SLC1A2: variants seen among roughly 807,000 people sequenced by gnomAD.
The protein encoded by SLC1A2 is solute carrier family 1 member 2.
Under a neutral mutation model 48.8 loss-of-function variants are expected in SLC1A2, and 15 were observed. The observed-to-expected ratio is 0.31, with a 90% CI of 0.21 to 0.47. The LOEUF is 0.47. Ranked by LOEUF, SLC1A2 falls within the 20% of genes least tolerant of loss-of-function variation. SLC1A2 has a pLI of 0.99. For synonymous variants in SLC1A2, 279 were observed against 272.6 expected (o/e 1.02, Z -0.23); for missense variants, 502 against 730.5 (o/e 0.69, Z 3.61).
chr11:35,419,401 CG>C lies in SLC1A2; in HGVS notation c.-436del, dbSNP rs1356820563. 61 of 196,848 alleles carry C rather than the reference CG, an allele frequency of 3.1e-4. 1 individual carries two copies. Among genetic ancestry groups the C allele is most frequent in the Non-Finnish European group, 7.2e-5 (7 of 97,888 alleles). The allele number at this position is 196,848 out of a possible 1,614,324, so 12.2% of individuals were successfully genotyped here. On this transcript the variant is annotated 5_prime_UTR_variant, in exon 1 of 11. Transcript: ENST00000278379. This position sits in a 1 kb window ranked among gnomAD's most constrained non-coding sequence, Gnocchi z 5.4. ...GTGGTGGCAGAGGACGGTGAGCGTG[CG>C]TGCGCGTGTGCGGGTGTGTGCGCGC...
At chr11:35,384,311 G>A (rs1416102521) in intron 1 of SLC1A2, among the ~76,000 whole-genome samples, 1 of 152,140 alleles carries the variant, frequency 6.6e-6, no homozygotes, top group African/African-American at 2.4e-5. Context: ...TTAACTGAAA[G>A]TACAGATCCC....
chr11:35,361,908 T>A (rs1038597022), intron 1 of SLC1A2, among the ~76,000 whole-genome samples: 1 of 152,172 alleles, frequency 6.6e-6, no homozygotes, highest in Non-Finnish European at 1.5e-5. Flanking sequence ...CCTGGGAGGT[T>A]GAGGCTGCAG....
At chr11:35,277,289 A>G (rs1361242524) in intron 9 of SLC1A2, among the ~76,000 whole-genome samples, 3 of 152,188 alleles carry the variant, frequency 2.0e-5, no homozygotes, top group South Asian at 2.1e-4. Flanking sequence ...AACACTTAGT[A>G]CAAATTAGGA....
In SLC1A2 at chr11:35,254,820, C is replaced by A. The variant is rs551207005; in HGVS notation, c.*6074G>T. 1 of 455,648 alleles carries A rather than the reference C, an allele frequency of 2.2e-6. No individual in the cohort carries two copies. The allele number at this position is 455,648 out of a possible 1,614,324, so 28.2% of individuals were successfully genotyped here. A position where few individuals can be genotyped will look rare whatever the true frequency, so the allele number is the denominator to read the frequency against. On this transcript the variant is annotated 3_prime_UTR_variant, in exon 11 of 11. Coordinates refer to ENST00000278379, the MANE Select transcript of SLC1A2 (RefSeq NM_004171.4). ...AGCACAAAAGGGCCCTGTGTAAAAA[C>A]CAGAAGGATTTTGTAAAATATCAAA...
chr11:35,301,735 C>G, intron 5 of SLC1A2, 90 bp from the exon 6 acceptor site: 1 of 1,182,412 alleles, frequency 8.5e-7, no homozygotes, highest in Non-Finnish European at 1.2e-6. Flanking sequence ...TGTATGGAGC[C>G]ATGTTCTCAC....
Position 35,259,067 on chromosome 11 carries a change from A to G in SLC1A2, c.*1827T>C, listed in dbSNP as rs1356128546. Reference sequence around the variant, plus strand: ...AGACCAATGTCATTTGAAAAGCAAAAATGAAAAGTTGCCTAATACTGTTCA... The same window carrying G: ...AGACCAATGTCATTTGAAAAGCAAAGATGAAAAGTTGCCTAATACTGTTCA... On this transcript the variant is annotated 3_prime_UTR_variant, in exon 11 of 11. Transcript: ENST00000278379. 6.6e-6 allele frequency: 1 copy of G among 152,668 alleles called. No homozygotes were observed. Among genetic ancestry groups the G allele is most frequent in the Admixed American group, 6.5e-5 (1 of 15,286 alleles). 9.5% of individuals were successfully genotyped at this position (152,668 alleles called of 1,614,324 possible).
chr11:35,308,241 G>T (rs1851575306), intron 4 of SLC1A2, among the ~76,000 whole-genome samples: 1 of 152,210 alleles, frequency 6.6e-6, no homozygotes, highest in Non-Finnish European at 1.5e-5. Flanking sequence ...CAGCTTGCTA[G>T]TTAGTTGCTG....
At chr11:35,321,743 G>T (rs1447600607) in intron 1 of SLC1A2, among the ~76,000 whole-genome samples, 2 of 152,168 alleles carry the variant, frequency 1.3e-5, no homozygotes, top group African/African-American at 4.8e-5. Flanking sequence ...ATGGCAATGA[G>T]CAGAAAGTGC....
rs756485133 is a variant in SLC1A2, at chr11:35,281,006, G to A, written c.1287-5C>T. 4 of 1,595,628 alleles carry A rather than the reference G, an allele frequency of 2.5e-6. No individual in the cohort carries two copies. On this transcript the variant is annotated splice_region_variant and splice_polypyrimidine_tract_variant and intron_variant, in intron 8 of 10. Transcript: ENST00000278379. ...CTTGCCAGGGTGGCTGTGAGGCTAT[G>A]AGAACAGAGAAGTTCAGGTCATGGA... is the stretch of plus-strand genomic sequence containing the variant.
At chr11:35,408,156 T>C (rs564227079) in intron 1 of SLC1A2, among the ~76,000 whole-genome samples, 1 of 152,364 alleles carries the variant, frequency 6.6e-6, no homozygotes, top group East Asian at 1.9e-4. Flanking sequence ...CACACCTACT[T>C]GCACTTGGTC....
intron 1 of SLC1A2, among the ~76,000 whole-genome samples, chr11:35,417,714 AG>A (rs1855653452): frequency 1.3e-5 from 2 of 152,264 alleles, no homozygotes; most frequent in Non-Finnish European, 2.9e-5. Context: ...ACAAGATGCC[AG>A]ATGCCTTTGG....
intron 1 of SLC1A2, among the ~76,000 whole-genome samples, chr11:35,375,281 T>C (rs756428706): frequency 1.3e-5 from 2 of 152,232 alleles, no homozygotes; most frequent in Non-Finnish European, 1.5e-5. Flanking sequence ...CAGATTGAAG[T>C]TGAATTATGG....
chr11:35,336,993 T>G (rs1330974671), intron 1 of SLC1A2, among the ~76,000 whole-genome samples: 1 of 152,198 alleles, frequency 6.6e-6, no homozygotes, highest in Non-Finnish European at 1.5e-5. Context: ...AGAAAAATAT[T>G]TATTTGCATT....
At chr11:35,359,514 A>G (rs1415625857) in intron 1 of SLC1A2, among the ~76,000 whole-genome samples, 1 of 152,228 alleles carries the variant, frequency 6.6e-6, no homozygotes, top group East Asian at 1.9e-4. Context: ...CAGGAGCCCA[A>G]GGTCACTGTT....
At chr11:35,295,737 T>G (rs2134763711) in intron 6 of SLC1A2, among the ~76,000 whole-genome samples, 1 of 152,326 alleles carries the variant, frequency 6.6e-6, no homozygotes, top group East Asian at 1.9e-4. Context: ...AGTCTTTTTC[T>G]TACTACTGTA....
At chr11:35,379,269 G>T (rs1258304485) in intron 1 of SLC1A2, among the ~76,000 whole-genome samples, 1 of 152,196 alleles carries the variant, frequency 6.6e-6, no homozygotes, top group African/African-American at 2.4e-5. Flanking sequence ...GCAGTGCCCG[G>T]CACATAGGAA....
chr11:35,297,488 C>T (rs1851210059), intron 6 of SLC1A2, among the ~76,000 whole-genome samples: 1 of 152,066 alleles, frequency 6.6e-6, no homozygotes, highest in Non-Finnish European at 1.5e-5. Context: ...TGTTTTAACA[C>T]GTGTCATTGA....
In SLC1A2 at chr11:35,368,363, C is replaced by T. The variant is rs150441917; in HGVS notation, c.17+50587G>A. On this transcript the variant is annotated intron_variant, in intron 1 of 10. Coordinates refer to ENST00000278379, the MANE Select transcript of SLC1A2 (RefSeq NM_004171.4). ...TGTGATTTTGGAAAAGTCACTAAACCTCCCTGAGCTTCTCTTTCCTGGTCT... is the reference window on the plus strand; with the variant it reads ...TGTGATTTTGGAAAAGTCACTAAACTTCCCTGAGCTTCTCTTTCCTGGTCT... Among the ~76,000 whole-genome samples, 440 of 152,326 alleles carry T rather than the reference C, an allele frequency of 2.9e-3. 10 individuals carry two copies. The highest frequency in any genetic ancestry group is 0.022 in the Admixed American group (337 of 15,296).
chr11:35,321,595 G>C (rs1852069269), intron 1 of SLC1A2, among the ~76,000 whole-genome samples: 1 of 151,962 alleles, frequency 6.6e-6, no homozygotes, highest in African/African-American at 2.4e-5. Flanking sequence ...AAGTCATGCT[G>C]GGCCCTGTCA....
Sources: gnomAD v4.1 joint callset for allele counts (sites outside exome capture counted in the v4.1 genomes callset) on GRCh38, gnomAD v4.1.1 for gene constraint, Gnocchi (gnomAD v3.1) non-coding constraint, MANE v1.5 for transcripts, NCBI Gene and HGNC (gene_info 2026-07-23, HGNC 2026-07-21) for gene names.